COL24A1: variants seen among roughly 807,000 people sequenced by gnomAD.
COL24A1 encodes the protein collagen type XXIV alpha 1 chain, also known as collagen alpha-1(XXIV) chain.
COL24A1 carries 224 observed loss-of-function variants against 253.9 expected under a neutral mutation model. The observed-to-expected ratio is 0.88, with a 90% CI of 0.79 to 0.99. The LOEUF is 0.99. COL24A1 is among the 50% of genes least tolerant of loss of function. COL24A1 has a pLI of 0.00. For missense variants in COL24A1, 2,131 were observed against 2,068.5 expected (o/e 1.03, Z -0.59); for synonymous variants, 685 against 673.7 (o/e 1.02, Z -0.26).
In COL24A1 at chr1:85,775,685, T is replaced by TA; in HGVS notation, c.4362dup (p.Arg1455Ter). On this transcript the variant is annotated frameshift_variant, in exon 53 of 60. Transcript: ENST00000370571. LOFTEE classifies it high-confidence loss of function. ...TTAGTTAAACTTACAGTTTCACCTC[T>TA]AAAGCCCTTTTCACCTCTGGGTCCC... 1 of 1,608,370 alleles carries TA rather than the reference T, an allele frequency of 6.2e-7. No homozygotes were observed.
At chr1:85,883,869 T>C (rs1015343509) in intron 32 of COL24A1, 2 of 152,188 alleles carry the variant, frequency 1.3e-5, no homozygotes, top group Non-Finnish European at 2.9e-5. Flanking sequence ...TTCCTCCCTC[T>C]TGTTCCTTAT....
chr1:85,842,924 T>C (rs1446417099), intron 39 of COL24A1, among the ~76,000 whole-genome samples: 8 of 152,152 alleles, frequency 5.3e-5, no homozygotes, highest in Non-Finnish European at 1.2e-4. Context: ...ATCAATATTT[T>C]ATAGATGGTG....
At chr1:86,141,763 C>T (rs546921256) in intron 2 of COL24A1, among the ~76,000 whole-genome samples, 2 of 151,286 alleles carry the variant, frequency 1.3e-5, no homozygotes, top group Non-Finnish European at 2.9e-5. Context: ...TGCACTGGCA[C>T]GATCTCAGCG....
intron 55 of COL24A1, among the ~76,000 whole-genome samples, chr1:85,747,409 C>T (rs905327371): frequency 1.2e-4 from 18 of 151,950 alleles, no homozygotes; most frequent in Admixed American, 5.2e-4. Flanking sequence ...CCACCGTGCC[C>T]GGCCAACTTT....
intron 7 of COL24A1, among the ~76,000 whole-genome samples, chr1:86,080,431 T>A (rs1162987507): frequency 6.6e-6 from 1 of 152,052 alleles, no homozygotes; most frequent in African/African-American, 2.4e-5. Context: ...ATAAATAGAG[T>A]ATCATTGGAT....
intron 24 of COL24A1, among the ~76,000 whole-genome samples, chr1:85,925,882 A>T (rs1267170398): frequency 1.3e-5 from 2 of 152,230 alleles, no homozygotes; most frequent in Non-Finnish European, 2.9e-5. Context: ...CAGAGTGAAC[A>T]GGCAACCTAC....
chr1:86,008,450 C>T (rs1285469234), intron 19 of COL24A1, among the ~76,000 whole-genome samples: 1 of 152,062 alleles, frequency 6.6e-6, no homozygotes, highest in African/African-American at 2.4e-5. Context: ...TTTTGCCATG[C>T]TGCCCAGGCC....
In COL24A1 at chr1:86,092,342, C is replaced by T. The variant is rs772671853; in HGVS notation, c.1600-22G>A. 3 of 1,580,880 alleles carry T rather than the reference C, an allele frequency of 1.9e-6. No homozygotes were observed. In the African/African-American group the frequency reaches 4.1e-5, roughly 21 times the overall value. ...GGCCCTAAATAAAATAGTTATAAAACAGTTGGTGAAGCATAAGTTGCATAT... is the reference window on the plus strand; with the variant it reads ...GGCCCTAAATAAAATAGTTATAAAATAGTTGGTGAAGCATAAGTTGCATAT... On this transcript the variant is annotated intron_variant, in intron 5 of 59. Coordinates refer to ENST00000370571, the MANE Select transcript of COL24A1 (RefSeq NM_152890.7).
chr1:86,097,785 T>G (rs921662948), intron 5 of COL24A1, among the ~76,000 whole-genome samples: 12 of 151,942 alleles, frequency 7.9e-5, no homozygotes, highest in African/African-American at 2.4e-4. Context: ...TCTCATGAAC[T>G]CTATATCTTT....
Position 86,115,351 on chromosome 1 carries a change from C to T in COL24A1, c.1519G>A (p.Gly507Ser), listed in dbSNP as rs768873639. The T allele has an allele frequency of 1.2e-6, 2 of 1,613,972 alleles. No individual in the cohort carries two copies. Among genetic ancestry groups the T allele is most frequent in the Non-Finnish European group, 1.7e-6 (2 of 1,179,926 alleles). Residue 507 changes from glycine (G) to serine (S), a missense_variant, in exon 4 of 60, where the codon GGT becomes AGT. By Grantham distance (56) the Gly-to-Ser change is moderately conservative (BLOSUM62 0). Coordinates refer to ENST00000370571, the MANE Select transcript of COL24A1 (RefSeq NM_152890.7). ...PGPPGPAGIPGPSGKRGPRGI... is the reference protein window; with the variant it reads ...PGPPGPAGIPSPSGKRGPRGI... ...CGTGGACCTCTCTTCCCTGACGGAC[C>T]TGGGATACCTGCTGGACCAGGTGGA...
chr1:86,017,040 A>C (rs1697057245), intron 19 of COL24A1, 111 bp downstream of exon 19: 4 of 1,020,894 alleles, frequency 3.9e-6, no homozygotes, highest in Non-Finnish European at 4.3e-6. Flanking sequence ...CGGAGATCTA[A>C]ACTTTAAAGA....
intron 34 of COL24A1, 120 bp from the exon 35 acceptor site, chr1:85,874,822 G>T: frequency 3.8e-6 from 4 of 1,059,798 alleles, no homozygotes; most frequent in South Asian, 3.3e-5. Flanking sequence ...CCTGTCCAAG[G>T]CCTGTTAGGA....
chr1:85,821,297 T>A (rs568796302), intron 45 of COL24A1, among the ~76,000 whole-genome samples: 3 of 152,294 alleles, frequency 2.0e-5, no homozygotes, highest in Non-Finnish European at 4.4e-5. Flanking sequence ...TAATCATATT[T>A]TACTTAATTT....
chr1:85,933,090 A>T (rs1558708122), intron 24 of COL24A1, among the ~76,000 whole-genome samples: 1 of 67,456 alleles, frequency 1.5e-5, no homozygotes, highest in Non-Finnish European at 3.4e-5. Context: ...AGTATAATAA[A>T]AAAAAAAAAA....
At chr1:85,892,278 C>A (rs762011684) in intron 31 of COL24A1, among the ~76,000 whole-genome samples, 125 of 151,914 alleles carry the variant, frequency 8.2e-4, no homozygotes, top group Non-Finnish European at 1.1e-3. Context: ...GAAATACCAG[C>A]GGCCAAAAGA....
At chr1:85,877,218 T>C (rs1200674482) in intron 32 of COL24A1, 43 bp from the exon 33 acceptor site, 21 of 1,399,762 alleles carry the variant, frequency 1.5e-5, no homozygotes, top group Non-Finnish European at 2.1e-5. Flanking sequence ...AAAAGTTTAC[T>C]CTATGTCAGT....
At chr1:85,776,649 T>C (rs1668575227) in intron 52 of COL24A1, among the ~76,000 whole-genome samples, 1 of 151,928 alleles carries the variant, frequency 6.6e-6, no homozygotes, top group Non-Finnish European at 1.5e-5. Flanking sequence ...ATATTTTAAA[T>C]TTGCTATTAT....
At chr1:85,781,898 A>G (rs1570590287) in intron 51 of COL24A1, among the ~76,000 whole-genome samples, 1 of 152,230 alleles carries the variant, frequency 6.6e-6, no homozygotes, top group East Asian at 1.9e-4. Context: ...CTCCCAAAGT[A>G]GGAAGAGAGT....
intron 3 of COL24A1, among the ~76,000 whole-genome samples, chr1:86,122,612 T>A (rs1647548417): frequency 6.6e-6 from 1 of 151,990 alleles, no homozygotes; most frequent in South Asian, 2.1e-4. Context: ...AATAATGATA[T>A]CACCATTCTC....
Sources: allele counts gnomAD v4.1 joint callset (sites outside exome capture counted in the v4.1 genomes callset), GRCh38; gene constraint gnomAD v4.1.1; transcripts MANE v1.5; gene names NCBI Gene and HGNC (gene_info 2026-07-23, HGNC 2026-07-21).